Variants in CLTB observed in about 807,000 individuals in gnomAD.
CLTB encodes clathrin light chain B.
CLTB carries 10 observed loss-of-function variants against 30.5 expected under a neutral mutation model. The ratio of observed to expected loss-of-function variants is 0.33; its 90% CI spans 0.20 to 0.56. CLTB has a LOEUF of 0.56. Ranked by LOEUF, CLTB falls within the 20% of genes least tolerant of loss-of-function variation. The pLI is 0.91. For synonymous variants in CLTB, 102 were observed against 120.3 expected, an observed-to-expected ratio of 0.85 and a Z score of 1.00; for missense variants, 261 against 308.3, an observed-to-expected ratio of 0.85 and a Z score of 1.15.
At chr5:176,401,821 C>G in intron 2 of CLTB, 1 of 454,758 alleles carries the variant, frequency 2.2e-6, no homozygotes. Flanking sequence ...TTGATTTCTC[C>G]TTCCTTCCCA....
chr5:176,395,140 T>C lies in CLTB; in HGVS notation c.518+1339A>G, dbSNP rs1486061765. 2.1e-5 allele frequency among the ~76,000 whole-genome samples: 3 copies of C among 143,084 alleles called. No individual in the cohort carries two copies. The East Asian group carries it at 7.1e-4, about 34-fold the overall frequency. The allele number at this position is 143,084 out of a possible 152,430, so 93.9% of individuals were successfully genotyped here. On this transcript the variant is annotated intron_variant, in intron 5 of 5. Coordinates refer to ENST00000310418, the MANE Select transcript of CLTB (RefSeq NM_007097.5). ...TCCCAGCCTGTAGAGCTTCAGCCAC[T>C]GCAGCCAGCTGGGCCTTTTCTCTCT... is the stretch of plus-strand genomic sequence containing the variant.
chr5:176,416,409 C>T lies in CLTB; in HGVS notation c.-46G>A, dbSNP rs577460001. 2 of 1,471,532 alleles carry T rather than the reference C, an allele frequency of 1.4e-6. No individual in the cohort carries two copies. Among genetic ancestry groups the T allele is most frequent in the Non-Finnish European group, 1.8e-6 (2 of 1,113,126 alleles). The allele number at this position is 1,471,532 out of a possible 1,614,324, so 91.2% of individuals were successfully genotyped here. ...AGCCTCCGCTGCGCTCGGCTCTGCC[C>T]GCGCCTGCCCCGCGCTGCGTCCGGC... On this transcript the variant is annotated 5_prime_UTR_variant, in exon 1 of 6. Transcript: ENST00000310418.
chr5:176,395,964 G>A (rs1470138768), intron 5 of CLTB, among the ~76,000 whole-genome samples: 3 of 152,080 alleles, frequency 2.0e-5, no homozygotes, highest in Non-Finnish European at 2.9e-5. Flanking sequence ...GTGAAACCCC[G>A]TCTCTACTAA....
chr5:176,394,519 A>T (rs904166642), intron 5 of CLTB, among the ~76,000 whole-genome samples: 8 of 151,668 alleles, frequency 5.3e-5, no homozygotes, highest in Non-Finnish European at 1.2e-4. Context: ...TAAAAATACA[A>T]AAAATTAGCT....
chr5:176,396,448 C>A, intron 5 of CLTB, 31 bp downstream of exon 5: 1 of 1,586,600 alleles, frequency 6.3e-7, no homozygotes, highest in Non-Finnish European at 8.7e-7. Flanking sequence ...CTCTCTAGCT[C>A]CCCCAACAGA....
chr5:176,414,466 C>T (rs1757594835), intron 1 of CLTB, among the ~76,000 whole-genome samples: 1 of 147,788 alleles, frequency 6.8e-6, no homozygotes, highest in African/African-American at 2.5e-5. Context: ...GGGTCTCACT[C>T]TGCTGCCCAG....
intron 3 of CLTB, 29 bp from the exon 4 acceptor site, chr5:176,397,747 G>T: frequency 6.3e-7 from 1 of 1,598,262 alleles, no homozygotes; most frequent in South Asian, 1.1e-5. Context: ...ATGAGTGGCT[G>T]CTTTCCAGCT....
chr5:176,395,216 A>G (rs932811723), intron 5 of CLTB, among the ~76,000 whole-genome samples: 8 of 151,390 alleles, frequency 5.3e-5, no homozygotes, highest in African/African-American at 1.9e-4. Context: ...CACCCTCCCT[A>G]TCCAGCAAAC....
At chr5:176,399,793 G>A (rs1427146043) in intron 2 of CLTB, among the ~76,000 whole-genome samples, 3 of 151,610 alleles carry the variant, frequency 2.0e-5, no homozygotes, top group African/African-American at 4.8e-5. Context: ...TGGGAGAATC[G>A]CTTGAGCCTG....
intron 2 of CLTB, among the ~76,000 whole-genome samples, chr5:176,400,197 C>CA (rs575077508): frequency 2.1e-3 from 229 of 110,104 alleles, no homozygotes; most frequent in African/African-American, 5.9e-3. Flanking sequence ...GACTCTATCT[C>CA]AAAAAAAAAA....
intron 1 of CLTB, 30 bp downstream of exon 1, chr5:176,416,147 A>T: frequency 6.6e-7 from 1 of 1,514,118 alleles, no homozygotes; most frequent in Admixed American, 2.3e-5. Flanking sequence ...GCGCGCCCTG[A>T]GCCCCTCTCC....
At chr5:176,410,657 G>A (rs1418318708) in intron 1 of CLTB, among the ~76,000 whole-genome samples, 2 of 151,984 alleles carry the variant, frequency 1.3e-5, no homozygotes, top group African/African-American at 4.8e-5. Flanking sequence ...GCCATGGCTG[G>A]GAATGGCCAG....
At chr5:176,394,227 C>T (rs1756385207) in intron 5 of CLTB, among the ~76,000 whole-genome samples, 1 of 152,240 alleles carries the variant, frequency 6.6e-6, no homozygotes, top group African/African-American at 2.4e-5. Context: ...TCCAGAGGCT[C>T]CCCTCTGTCC....
At chr5:176,406,068 G>T in intron 2 of CLTB, 2 of 796,152 alleles carry the variant, frequency 2.5e-6, no homozygotes, top group Non-Finnish European at 3.0e-6. Flanking sequence ...TTTCCGGGCT[G>T]CTCAGAACTT....
chr5:176,409,964 CT>C (rs1757343722), intron 2 of CLTB, among the ~76,000 whole-genome samples: 1 of 152,148 alleles, frequency 6.6e-6, no homozygotes, highest in African/African-American at 2.4e-5. Context: ...CTTGCGCTGC[CT>C]TCATCTCATG....
chr5:176,412,132 C>T (rs1243415863), intron 1 of CLTB, among the ~76,000 whole-genome samples: 1 of 148,756 alleles, frequency 6.7e-6, no homozygotes, highest in Non-Finnish European at 1.5e-5. Flanking sequence ...GCCGAGATCC[C>T]GCCACTGCAC....
intron 1 of CLTB, among the ~76,000 whole-genome samples, chr5:176,414,156 C>T (rs1475277192): frequency 6.6e-6 from 1 of 152,170 alleles, no homozygotes; most frequent in East Asian, 1.9e-4. Flanking sequence ...CCCCACAAGG[C>T]CTCCCTCCTC....
intron 2 of CLTB, chr5:176,401,755 A>C: frequency 2.2e-6 from 1 of 456,244 alleles, no homozygotes; most frequent in Non-Finnish European, 4.4e-6. Context: ...TAAAATGAAA[A>C]CAGCGACACT....
chr5:176,414,529 G>A (rs184413377), intron 1 of CLTB, among the ~76,000 whole-genome samples: 30 of 151,074 alleles, frequency 2.0e-4, no homozygotes, highest in Admixed American at 1.7e-3. Flanking sequence ...TACACCTCCC[G>A]GGCTCAAGCT....
Sources: gnomAD v4.1 joint callset for allele counts (sites outside exome capture counted in the v4.1 genomes callset) on GRCh38, gnomAD v4.1.1 for gene constraint, MANE v1.5 for transcripts, NCBI Gene and HGNC (gene_info 2026-07-23, HGNC 2026-07-21) for gene names.